SGCG: variants seen among roughly 807,000 people sequenced by gnomAD.
SGCG encodes the protein sarcoglycan gamma.
SGCG carries 26 observed loss-of-function variants against 29.3 expected under a neutral mutation model. The ratio of observed to expected loss-of-function variants is 0.89; its 90% CI spans 0.65 to 1.23. The LOEUF (loss-of-function observed/expected upper bound fraction) is 1.23. Ranked by LOEUF, SGCG falls within the 50% of genes most tolerant of loss-of-function variation. The probability of loss-of-function intolerance (pLI) is 0.00; values close to 1 mark genes in which losing one functional copy is unlikely to be tolerated. For synonymous variants in SGCG, 145 were observed against 129.7 expected (o/e 1.12, Z -0.80); for missense variants, 353 against 356.0 (o/e 0.99, Z 0.07).
chr13:23,194,509 C>T lies in SGCG; in HGVS notation c.1-9186C>T, dbSNP rs539185136. Among the ~76,000 whole-genome samples the T allele has an allele frequency of 3.9e-5, 6 of 152,282 alleles. No individual in the cohort carries two copies. The East Asian group carries it at 1.2e-3, about 29-fold the overall frequency. On this transcript the variant is annotated intron_variant, in intron 1 of 7. Coordinates refer to ENST00000218867, the MANE Select transcript of SGCG (RefSeq NM_000231.3). ...ACTCTCTCCCTCTTCTTTCATTCTTCCTGATTTCTTCTCTGGCAAGCTCTC... is the reference window on the plus strand; with the variant it reads ...ACTCTCTCCCTCTTCTTTCATTCTTTCTGATTTCTTCTCTGGCAAGCTCTC...
rs192237239 is a variant in SGCG, at chr13:23,225,278, T to C, written c.196-9333T>C. 2.0e-5 allele frequency among the ~76,000 whole-genome samples: 3 copies of C among 152,284 alleles called. 1 individual carries two copies. Among genetic ancestry groups the C allele is most frequent in the Admixed American group, 2.0e-4 (3 of 15,292 alleles). On this transcript the variant is annotated intron_variant, in intron 2 of 7. Coordinates refer to ENST00000218867, the MANE Select transcript of SGCG (RefSeq NM_000231.3). ...TGTGATTACATTAAGGGTCCTGAAA[T>C]TGAAACATTATTTTGTATTATTCAT...
rs560639368 is a variant in SGCG at position 23,317,969 on chromosome 13, C to T, written c.579-2668C>T. On this transcript the variant is annotated intron_variant, in intron 6 of 7. Coordinates refer to ENST00000218867, the MANE Select transcript of SGCG (RefSeq NM_000231.3). ...CTTAATTGGGTGGGCACCATCTAAT[C>T]AGTGGCCAGCAAATATAATGCAGGC... is the stretch of plus-strand genomic sequence containing the variant. Among the ~76,000 whole-genome samples the T allele has an allele frequency of 2.0e-5, 3 of 152,272 alleles. No individual in the cohort carries two copies. The East Asian group carries it at 5.8e-4, about 29-fold the overall frequency.
intron 1 of SGCG, among the ~76,000 whole-genome samples, chr13:23,202,535 T>C (rs9552879): frequency 0.092 from 14,066 of 152,226 alleles, 947 homozygotes; most frequent in East Asian, 0.37. Flanking sequence ...GGCTCTAATA[T>C]AAGGAAGACT....
intron 1 of SGCG, among the ~76,000 whole-genome samples, chr13:23,182,361 C>A (rs1876772699): frequency 6.6e-6 from 1 of 152,098 alleles, no homozygotes; most frequent in South Asian, 2.1e-4. Context: ...GCTGTGGTTT[C>A]CCAGTGGGAG....
intron 4 of SGCG, among the ~76,000 whole-genome samples, chr13:23,263,281 A>T (rs34440821): frequency 0.085 from 12,858 of 152,110 alleles, 703 homozygotes; most frequent in South Asian, 0.14. Context: ...CTCGATTAGA[A>T]ATGAAAATGG....
intron 1 of SGCG, among the ~76,000 whole-genome samples, chr13:23,188,835 G>A (rs539039385): frequency 8.4e-4 from 128 of 152,250 alleles, no homozygotes; most frequent in African/African-American, 2.9e-3. Flanking sequence ...AGATGCCTGT[G>A]CCAGTTCAAT....
At chr13:23,218,871 A>G (rs1878534649) in intron 2 of SGCG, among the ~76,000 whole-genome samples, 1 of 150,182 alleles carries the variant, frequency 6.7e-6, no homozygotes. Flanking sequence ...TGATATTGAG[A>G]ATTCTATGGT....
intron 2 of SGCG, among the ~76,000 whole-genome samples, chr13:23,221,433 C>T (rs1459753614): frequency 6.6e-6 from 1 of 152,110 alleles, no homozygotes; most frequent in Non-Finnish European, 1.5e-5. Context: ...CAATTATTAA[C>T]CTATTAATTT....
At chr13:23,231,352 T>G (rs1347882675) in intron 2 of SGCG, among the ~76,000 whole-genome samples, 1 of 151,572 alleles carries the variant, frequency 6.6e-6, no homozygotes, top group African/African-American at 2.4e-5. Context: ...TTGAGTAGCT[T>G]TAGTATTTTC....
At chr13:23,277,047 A>G (rs1477616526) in intron 4 of SGCG, among the ~76,000 whole-genome samples, 2 of 152,216 alleles carry the variant, frequency 1.3e-5, no homozygotes, top group Non-Finnish European at 1.5e-5. Flanking sequence ...CTTTGATTTG[A>G]GGAACAGTTT....
intron 3 of SGCG, among the ~76,000 whole-genome samples, chr13:23,240,789 T>C (rs567711330): frequency 1.3e-5 from 2 of 152,200 alleles, no homozygotes; most frequent in South Asian, 4.1e-4. Context: ...AACAATAACA[T>C]TAAATTTGGG....
the SGCG span, chr13:23,170,639 C>T: frequency 1.3e-5 from 2 of 152,284 alleles, no homozygotes; most frequent in Admixed American, 6.5e-5. Context: ...CTTGCCACCA[C>T]CTTTGTGACC....
intron 2 of SGCG, among the ~76,000 whole-genome samples, chr13:23,232,605 A>G (rs1420108230): frequency 1.3e-5 from 2 of 152,080 alleles, no homozygotes; most frequent in Non-Finnish European, 2.9e-5. Flanking sequence ...ACACGGTGAA[A>G]CCCTGTCTCT....
chr13:23,278,931 T>C (rs1881196009), intron 4 of SGCG, among the ~76,000 whole-genome samples: 1 of 152,214 alleles, frequency 6.6e-6, no homozygotes, highest in Non-Finnish European at 1.5e-5. Flanking sequence ...ATATGATTTA[T>C]CTTCTAGGTT....
chr13:23,303,293 C>T (rs1882239787), intron 6 of SGCG, among the ~76,000 whole-genome samples: 1 of 152,182 alleles, frequency 6.6e-6, no homozygotes, highest in Admixed American at 6.5e-5. Context: ...CCTCTTCTGC[C>T]CCTGATGAAG....
At chr13:23,240,710 T>TA (rs35455439) in intron 3 of SGCG, among the ~76,000 whole-genome samples, 102,218 of 152,020 alleles carry the variant, frequency 0.67, 34,771 homozygotes, top group East Asian at 0.91. Flanking sequence ...AATTTATAAA[T>TA]AACCATGGGT....
chr13:23,179,164 A>T (rs994411531), upstream of SGCG, among the ~76,000 whole-genome samples: 1 of 152,230 alleles, frequency 6.6e-6, no homozygotes, highest in South Asian at 2.1e-4. Context: ...TTAAAGTATT[A>T]TGATTCCTTT....
At chr13:23,222,988 G>A (rs1878730132) in intron 2 of SGCG, among the ~76,000 whole-genome samples, 1 of 152,048 alleles carries the variant, frequency 6.6e-6, no homozygotes, top group Non-Finnish European at 1.5e-5. Flanking sequence ...CAGAATAAGA[G>A]TACAAATAGG....
the SGCG span, among the ~76,000 whole-genome samples, chr13:23,175,261 GC>G: frequency 1.4e-4 from 21 of 152,170 alleles, no homozygotes; most frequent in Non-Finnish European, 2.9e-5. Context: ...AAAAGGATGA[GC>G]TAAGTAGTGA....
Sources: allele counts gnomAD v4.1 joint callset (sites outside exome capture counted in the v4.1 genomes callset), GRCh38; gene constraint gnomAD v4.1.1; transcripts MANE v1.5; gene names NCBI Gene and HGNC (gene_info 2026-07-23, HGNC 2026-07-21).